The following TRAPPC12 variants were observed in gnomAD, a reference collection of about 807,000 sequenced individuals.
TRAPPC12 encodes trafficking protein particle complex subunit 12, also known as TPR repeat protein 15.
Under a neutral mutation model 69.2 loss-of-function variants are expected in TRAPPC12, and 61 were observed. The observed-to-expected ratio is 0.88, with a 90% CI of 0.72 to 1.09. TRAPPC12 has a LOEUF of 1.09. Among genes scored for constraint, TRAPPC12 ranks in the 50% least tolerant of loss-of-function variants. The pLI, the probability that TRAPPC12 is intolerant of heterozygous loss-of-function variation, is 0.00. For synonymous variants in TRAPPC12, 469 were observed against 438.9 expected, an observed-to-expected ratio of 1.07 and a Z score of -0.86; for missense variants, 1,101 against 1,016.4, an observed-to-expected ratio of 1.08 and a Z score of -1.13.
intron 5 of TRAPPC12, among the ~76,000 whole-genome samples, chr2:3,441,191 A>G (rs978643991): frequency 1.7e-4 from 26 of 152,132 alleles, no homozygotes; most frequent in African/African-American, 6.0e-4. Flanking sequence ...TATTAGGGTA[A>G]TGCCAGACTC....
intron 1 of TRAPPC12, among the ~76,000 whole-genome samples, chr2:3,385,430 A>G (rs1660447303): frequency 6.6e-6 from 1 of 152,144 alleles, no homozygotes; most frequent in South Asian, 2.1e-4. Context: ...TTTACAATTT[A>G]TAAAGTTTTT....
chr2:3,385,168 T>C (rs1226383424), intron 1 of TRAPPC12, among the ~76,000 whole-genome samples: 3 of 152,186 alleles, frequency 2.0e-5, no homozygotes, highest in Non-Finnish European at 2.9e-5. Context: ...TATATCATTT[T>C]TATTTGAGCA....
At chr2:3,427,715 A>AC (rs1326070232) in intron 5 of TRAPPC12, among the ~76,000 whole-genome samples, 1 of 151,962 alleles carries the variant, frequency 6.6e-6, no homozygotes, top group African/African-American at 2.4e-5. Flanking sequence ...ACATGGCAAA[A>AC]CCCCCATCTC....
chr2:3,447,728 A>T (rs1221238209), intron 6 of TRAPPC12, among the ~76,000 whole-genome samples: 1 of 152,164 alleles, frequency 6.6e-6, no homozygotes. Context: ...GCCCACCACT[A>T]TTCTGCCGGT....
rs371542203 is a variant in TRAPPC12, at chr2:3,388,417, T to C, written c.794T>C (p.Met265Thr). ...GAGGGGCGCCCCGAACCCGTGGCCA[T>C]GCGAGGGCCCCAGGCAGCTGCGCCC... ...GTEGRPEPVA[M>T]RGPQAAAPPA... is the part of the protein sequence containing the mutation. Residue 265 changes from methionine to threonine, a missense_variant, in exon 2 of 12, where the codon ATG becomes ACG. Coordinates refer to ENST00000324266, the MANE Select transcript of TRAPPC12 (RefSeq NM_016030.6). 2.5e-6 allele frequency: 4 copies of C among 1,604,872 alleles called. No individual in the cohort carries two copies. Among genetic ancestry groups the C allele is most frequent in the South Asian group, 1.1e-5 (1 of 90,066 alleles).
chr2:3,396,828 C>G (rs944957601), intron 2 of TRAPPC12, among the ~76,000 whole-genome samples: 1 of 151,980 alleles, frequency 6.6e-6, no homozygotes, highest in African/African-American at 2.4e-5. Flanking sequence ...TTACTTTAAA[C>G]TCTTGAGAAC....
intron 3 of TRAPPC12, among the ~76,000 whole-genome samples, chr2:3,411,401 CAA>C (rs1331129822): frequency 6.6e-6 from 1 of 152,132 alleles, no homozygotes; most frequent in African/African-American, 2.4e-5. Context: ...TTTTCATTCA[CAA>C]AACTCTTTTT....
intron 3 of TRAPPC12, among the ~76,000 whole-genome samples, chr2:3,418,972 C>T (rs1457359010): frequency 6.6e-6 from 1 of 152,232 alleles, no homozygotes; most frequent in Non-Finnish European, 1.5e-5. Context: ...GCCCCTCCTC[C>T]ACCGCCTCCC....
intron 9 of TRAPPC12, among the ~76,000 whole-genome samples, chr2:3,472,957 C>G (rs1355970669): frequency 6.6e-6 from 1 of 152,124 alleles, no homozygotes; most frequent in Admixed American, 6.5e-5. Context: ...TTGCTGACAG[C>G]CGGCCAGGGT....
intron 2 of TRAPPC12, among the ~76,000 whole-genome samples, chr2:3,401,162 G>A (rs763730947): frequency 7.9e-5 from 12 of 152,238 alleles, no homozygotes; most frequent in Non-Finnish European, 1.8e-4. Context: ...CGAGGCTACC[G>A]AGGACCTGCT....
chr2:3,470,427 T>C (rs528556922), intron 9 of TRAPPC12, among the ~76,000 whole-genome samples: 6 of 152,272 alleles, frequency 3.9e-5, no homozygotes, highest in Non-Finnish European at 7.3e-5. Flanking sequence ...CTGTCCGCCC[T>C]GTTCCTGCTG....
chr2:3,443,935 C>G (rs768098787), intron 6 of TRAPPC12, 44 bp downstream of exon 6: 1 of 1,403,172 alleles, frequency 7.1e-7, no homozygotes, highest in Non-Finnish European at 1.0e-6. Flanking sequence ...GAGAACATGC[C>G]CTCCACGCCC....
At chr2:3,405,632 C>A (rs992164671) in intron 3 of TRAPPC12, among the ~76,000 whole-genome samples, 6 of 152,196 alleles carry the variant, frequency 3.9e-5, no homozygotes, top group African/African-American at 1.4e-4. Context: ...CTCTTTCCAG[C>A]AATAACAATA....
chr2:3,388,025 C>G lies in TRAPPC12; in HGVS notation c.402C>G (p.Asp134Glu). 6.8e-7 allele frequency: 1 copy of G among 1,473,490 alleles called. No homozygotes were observed. The highest frequency in any genetic ancestry group is 8.9e-7 in the Non-Finnish European group (1 of 1,118,972). The allele number at this position is 1,473,490 out of a possible 1,614,324, so 91.3% of individuals were successfully genotyped here. The change falls in exon 2 of 12, where the codon GAC (aspartate) becomes GAG (glutamate). Residue 134 changes from aspartate (D) to glutamate (E), a missense_variant. Asp to Glu is a conservative substitution (Grantham distance 45). Coordinates refer to ENST00000324266, the MANE Select transcript of TRAPPC12 (RefSeq NM_016030.6). The part of the protein sequence containing the change: ...APSSGGAPRQ[D>E]AAREVPGSEA... Reference sequence around the variant, plus strand: ...GTAGCGGAGGGGCCCCGAGGCAGGACGCGGCCCGCGAGGTCCCAGGCAGCG... The same window carrying G: ...GTAGCGGAGGGGCCCCGAGGCAGGAGGCGGCCCGCGAGGTCCCAGGCAGCG...
intron 3 of TRAPPC12, among the ~76,000 whole-genome samples, chr2:3,410,229 G>A (rs1357652258): frequency 1.3e-5 from 2 of 152,220 alleles, no homozygotes; most frequent in Admixed American, 6.5e-5. Flanking sequence ...AATTATCCAA[G>A]TAAATCTTTC....
intron 6 of TRAPPC12, among the ~76,000 whole-genome samples, chr2:3,448,553 C>G (rs1664645476): frequency 6.6e-6 from 1 of 151,410 alleles, no homozygotes; most frequent in South Asian, 2.1e-4. Context: ...CCTTTGGTGC[C>G]GTTTTCCATT....
chr2:3,479,352 T>A lies in TRAPPC12; in HGVS notation c.2099T>A (p.Met700Lys). Residue 700 changes from methionine (M) to lysine (K), a missense_variant, in exon 12 of 12, where the codon ATG becomes AAG. Transcript: ENST00000324266. ...HESVLFNLTTMYELESSRSMQ... is the reference protein window; with the variant it reads ...HESVLFNLTTKYELESSRSMQ... Reference sequence around the variant, plus strand: ...AGCGTGCTCTTCAACCTGACCACCATGTACGAGCTGGAGTCCTCACGGAGC... The same window carrying A: ...AGCGTGCTCTTCAACCTGACCACCAAGTACGAGCTGGAGTCCTCACGGAGC... 6.2e-7 allele frequency: 1 copy of A among 1,614,156 alleles called. No individual in the cohort carries two copies. The highest frequency in any genetic ancestry group is 8.5e-7 in the Non-Finnish European group (1 of 1,180,034).
intron 5 of TRAPPC12, among the ~76,000 whole-genome samples, chr2:3,441,755 C>A (rs1240080187): frequency 6.7e-6 from 1 of 148,960 alleles, no homozygotes; most frequent in Non-Finnish European, 1.5e-5. Context: ...TTATATTGCT[C>A]TTTCTTTCCT....
At chr2:3,420,571 A>G (rs1053042842) in intron 3 of TRAPPC12, among the ~76,000 whole-genome samples, 1 of 152,172 alleles carries the variant, frequency 6.6e-6, no homozygotes, top group Admixed American at 6.5e-5. Flanking sequence ...GTGAGGCCAC[A>G]TGTCAGAACC....
Sources: allele counts gnomAD v4.1 joint callset (sites outside exome capture counted in the v4.1 genomes callset), GRCh38; gene constraint gnomAD v4.1.1; transcripts MANE v1.5; gene names NCBI Gene and HGNC (gene_info 2026-07-23, HGNC 2026-07-21).